Variants in MYL1 observed in about 807,000 individuals in gnomAD.
MYL1 encodes myosin light chain 1.
MYL1 carries 16 observed loss-of-function variants against 21.8 expected under a neutral mutation model. The observed-to-expected ratio is 0.74, with a 90% CI of 0.50 to 1.12. MYL1 has a LOEUF of 1.12. MYL1 is among the 50% of genes most tolerant of loss of function. The pLI is 0.00. For synonymous variants in MYL1, 99 were observed against 85.2 expected (o/e 1.16, Z -0.89); for missense variants, 246 against 241.0 (o/e 1.02, Z -0.14).
intron 2 of MYL1, among the ~76,000 whole-genome samples, chr2:210,299,729 A>G (rs1197818944): frequency 2.0e-5 from 3 of 152,156 alleles, no homozygotes; most frequent in Non-Finnish European, 4.4e-5. Context: ...TTTAATTAGA[A>G]CTTATAAACT....
intron 5 of MYL1, among the ~76,000 whole-genome samples, chr2:210,293,309 C>T (rs2125738501): frequency 6.6e-6 from 1 of 152,236 alleles, no homozygotes; most frequent in African/African-American, 2.4e-5. Context: ...TTACCACCAG[C>T]CTGGCCATTA....
intron 1 of MYL1, among the ~76,000 whole-genome samples, chr2:210,310,482 A>G (rs1690402666): frequency 6.6e-6 from 1 of 152,096 alleles, no homozygotes. Flanking sequence ...TATTTGATGT[A>G]TGTGTGTTTA....
rs1172450660 is a variant in MYL1 at position 210,290,174 on chromosome 2, T to C, written c.*308A>G. ...ATTCCAGACTGACCAAAATTGTTTA[T>C]TGATTTATTGTTTTAAGAATGTTTG... On this transcript the variant is annotated 3_prime_UTR_variant, in exon 7 of 7. Coordinates refer to ENST00000352451, the MANE Select transcript of MYL1 (RefSeq NM_079420.3). The C allele has an allele frequency of 6.6e-6, 1 of 152,192 alleles. No homozygotes were observed. Among genetic ancestry groups the C allele is most frequent in the Non-Finnish European group, 1.5e-5 (1 of 68,016 alleles). The allele number at this position is 152,192 out of a possible 1,614,324, so 9.4% of individuals were successfully genotyped here. A position where few individuals can be genotyped will look rare whatever the true frequency, so the allele number is the denominator to read the frequency against.
chr2:210,290,881 C>G (rs1406889936), intron 6 of MYL1, among the ~76,000 whole-genome samples, 151 bp downstream of exon 6: 1 of 151,846 alleles, frequency 6.6e-6, no homozygotes, highest in Non-Finnish European at 1.5e-5. Flanking sequence ...TCTGAATAAC[C>G]CATTTCAAGG....
At chr2:210,304,860 G>A (rs1051675409) in intron 1 of MYL1, among the ~76,000 whole-genome samples, 1 of 152,142 alleles carries the variant, frequency 6.6e-6, no homozygotes, top group East Asian at 1.9e-4. Flanking sequence ...AATTTTAAAG[G>A]TATCTAGGGG....
chr2:210,301,481 A>C (rs1396303939), intron 2 of MYL1, among the ~76,000 whole-genome samples: 1 of 152,076 alleles, frequency 6.6e-6, no homozygotes, highest in Non-Finnish European at 1.5e-5. Context: ...GGTTCTTATT[A>C]ATCACCTATA....
At chr2:210,298,343 C>CACACACAT in intron 3 of MYL1, 77 bp downstream of exon 3, 2 of 928,824 alleles carry the variant, frequency 2.2e-6, no homozygotes, top group Non-Finnish European at 3.1e-6. Flanking sequence ...ACATACTACA[C>CACACACAT]ACACACACAC....
intron 3 of MYL1, among the ~76,000 whole-genome samples, 199 bp from the exon 4 acceptor site, chr2:210,294,617 T>C (rs1220317077): frequency 6.6e-6 from 1 of 152,196 alleles, no homozygotes; most frequent in Non-Finnish European, 1.5e-5. Flanking sequence ...TGAGCTTTTA[T>C]TCCCAGTCTA....
At chr2:210,302,351 C>G (rs1193902920) in intron 2 of MYL1, 137 bp downstream of exon 2, 2 of 693,686 alleles carry the variant, frequency 2.9e-6, no homozygotes, top group African/African-American at 3.7e-5. Flanking sequence ...TTAGAGTGAT[C>G]GAGAGCAATT....
At chr2:210,306,209 C>T (rs1690339022) in intron 1 of MYL1, among the ~76,000 whole-genome samples, 1 of 151,904 alleles carries the variant, frequency 6.6e-6, no homozygotes, top group African/African-American at 2.4e-5. Context: ...GGTGAAACCC[C>T]ACCTCTACTA....
intron 3 of MYL1, 43 bp from the exon 4 acceptor site, chr2:210,294,461 ACTAACT>A (rs1485556974): frequency 4.5e-6 from 7 of 1,550,140 alleles, no homozygotes; most frequent in Non-Finnish European, 5.3e-6. Flanking sequence ...CTACCATAAT[ACTAACT>A]CTGAGTCACA....
chr2:210,294,354 G>T lies in MYL1; in HGVS notation c.369C>A (p.Asn123Lys), dbSNP rs762994238. The T allele has an allele frequency of 1.0e-4, 167 of 1,613,982 alleles. No homozygotes were observed. The South Asian group carries it at 1.7e-3, about 17-fold the overall frequency. Residue 123 changes from asparagine (N) to lysine (K), a missense_variant, in exon 4 of 7, where the codon AAC becomes AAA. Transcript: ENST00000352451. ...FLPMMQAISNNKDQATYEDFV... is the reference protein window; with the variant it reads ...FLPMMQAISNKKDQATYEDFV... ...AGTCTTCATAGGTGGCCTGGTCCTT[G>T]TTGTTGGAAATGGCTTGCATCATAG...
At chr2:210,310,456 C>CA (rs1384807069) in intron 1 of MYL1, among the ~76,000 whole-genome samples, 5 of 151,820 alleles carry the variant, frequency 3.3e-5, no homozygotes, top group Non-Finnish European at 5.9e-5. Context: ...AGCCTGATAG[C>CA]AAAAATTGAA....
chr2:210,314,993 G>A lies in MYL1; in HGVS notation c.50C>T (p.Ala17Val). 1 of 1,606,318 alleles carries A rather than the reference G, an allele frequency of 6.2e-7. No homozygotes were observed. The highest frequency in any genetic ancestry group is 1.3e-5 in the African/African-American group (1 of 74,202). ...TGCAGGTGCCGGTGCCGGGGCTGGG[G>A]CAGCCGCAGCCGCAGCCACAGGTTT... ...VKKPVAAAAA[A>V]PAPAPAPAPA... is the part of the protein sequence containing the mutation. Residue 17 changes from alanine to valine, a missense_variant, in exon 1 of 7, where the codon GCC becomes GTC. Physicochemically the swap from Ala to Val is moderately conservative, Grantham distance 64. Coordinates refer to ENST00000352451, the MANE Select transcript of MYL1 (RefSeq NM_079420.3).
chr2:210,293,258 T>C (rs1690108932), intron 5 of MYL1, among the ~76,000 whole-genome samples: 1 of 152,208 alleles, frequency 6.6e-6, no homozygotes, highest in Admixed American at 6.5e-5. Flanking sequence ...GGGCTGACTT[T>C]CATGTAAGCA....
intron 5 of MYL1, among the ~76,000 whole-genome samples, chr2:210,291,662 A>G (rs918152362): frequency 6.6e-6 from 1 of 152,240 alleles, no homozygotes; most frequent in African/African-American, 2.4e-5. Context: ...CAGATATTAT[A>G]ACTGTACACA....
chr2:210,295,691 G>T (rs1273331346), intron 3 of MYL1, among the ~76,000 whole-genome samples: 1 of 151,514 alleles, frequency 6.6e-6, no homozygotes, highest in African/African-American at 2.4e-5. Context: ...GCTGGGTGTG[G>T]TGGCTCACGC....
chr2:210,298,472 T>A lies in MYL1; in HGVS notation c.252A>T (p.Thr84=), dbSNP rs1373290626. The A allele has an allele frequency of 5.0e-6, 8 of 1,614,098 alleles. No individual in the cohort carries two copies. The highest frequency in any genetic ancestry group is 6.8e-6 in the Non-Finnish European group (8 of 1,179,996). ...TCCTGACCTCTGCATTGGTGGGATT[T>A]GTGCCCAGAGCTCGAAGGACATCAC... ...QVGDVLRALG[T]NPTNAEVRKV... The change falls in exon 3 of 7, where the codon ACA becomes ACT. Residue 84 remains threonine, a synonymous_variant. Transcript: ENST00000352451.
intron 5 of MYL1, among the ~76,000 whole-genome samples, chr2:210,291,482 C>T (rs1179212655): frequency 1.3e-5 from 2 of 152,104 alleles, no homozygotes; most frequent in African/African-American, 4.8e-5. Context: ...CAAAATGTTT[C>T]CCATCACTGT....
Sources: gnomAD v4.1 joint callset for allele counts (sites outside exome capture counted in the v4.1 genomes callset) on GRCh38, gnomAD v4.1.1 for gene constraint, MANE v1.5 for transcripts, NCBI Gene and HGNC (gene_info 2026-07-23, HGNC 2026-07-21) for gene names.